The following RNF216 variants were observed in gnomAD, a reference collection of about 807,000 sequenced individuals.
RNF216 encodes the protein ring finger protein 216.
A neutral mutation model predicts 110.8 loss-of-function variants in RNF216; 72 were observed. The ratio of observed to expected loss-of-function variants is 0.65; its 90% CI spans 0.54 to 0.79. The LOEUF (loss-of-function observed/expected upper bound fraction) is 0.79. Among genes scored for constraint, RNF216 ranks in the 30% least tolerant of loss-of-function variants. The pLI, the probability that RNF216 is intolerant of heterozygous loss-of-function variation, is 0.00. For synonymous variants in RNF216, 495 were observed against 407.5 expected, an observed-to-expected ratio of 1.21 and a Z score of -2.59; for missense variants, 1,342 against 1,141.2, an observed-to-expected ratio of 1.18 and a Z score of -2.54.
intron 13 of RNF216, among the ~76,000 whole-genome samples, chr7:5,691,046 G>A (rs780841105): frequency 4.6e-5 from 7 of 152,154 alleles, no homozygotes; most frequent in South Asian, 2.1e-4. Context: ...TCTCTTCCCA[G>A]CTCACACAGC....
At chr7:5,701,520 G>A (rs759169300) in intron 13 of RNF216, among the ~76,000 whole-genome samples, 1 of 152,146 alleles carries the variant, frequency 6.6e-6, no homozygotes, top group Non-Finnish European at 1.5e-5. Context: ...CTTTACCCAC[G>A]CTGTTTCCAT....
chr7:5,639,696 G>A (rs1787614264), intron 15 of RNF216, among the ~76,000 whole-genome samples: 2 of 151,880 alleles, frequency 1.3e-5, no homozygotes, highest in South Asian at 4.1e-4. Context: ...CTGACCTCAG[G>A]TGATCCACCC....
chr7:5,762,293 T>G (rs11984261), intron 1 of RNF216, among the ~76,000 whole-genome samples: 9,515 of 151,922 alleles, frequency 0.063, 987 homozygotes, highest in African/African-American at 0.22. Flanking sequence ...GAGGCTGAGG[T>G]GGATGGATCA....
intron 15 of RNF216, among the ~76,000 whole-genome samples, chr7:5,627,086 T>G (rs1225676113): frequency 6.6e-6 from 1 of 152,134 alleles, no homozygotes; most frequent in Non-Finnish European, 1.5e-5. Context: ...AAGGGACACT[T>G]ATGGCCTTCG....
intron 13 of RNF216, among the ~76,000 whole-genome samples, chr7:5,659,110 A>T (rs1380740363): frequency 6.6e-6 from 1 of 152,158 alleles, no homozygotes; most frequent in Non-Finnish European, 1.5e-5. Context: ...ATGAACTTAG[A>T]TCAAGTGGTG....
In RNF216 at chr7:5,696,981, C is replaced by T. The variant is rs1337648722; in HGVS notation, c.2061+14780G>A. Reference sequence around the variant, plus strand: ...ATCCCACTGTGTCCCTCCATTACGCCAGCAACAGCTCCAGGGACGGGGGTA... The same window carrying T: ...ATCCCACTGTGTCCCTCCATTACGCTAGCAACAGCTCCAGGGACGGGGGTA... On this transcript the variant is annotated intron_variant, in intron 13 of 16. Coordinates refer to ENST00000389902, the MANE Select transcript of RNF216 (RefSeq NM_207111.4). This position sits in a 1 kb window ranked among gnomAD's most constrained non-coding sequence, Gnocchi z 5.4. Among the ~76,000 whole-genome samples, 1 of 152,178 alleles carries T rather than the reference C, an allele frequency of 6.6e-6. No homozygotes were observed. The highest frequency in any genetic ancestry group is 1.5e-5 in the Non-Finnish European group (1 of 68,030).
intron 5 of RNF216, among the ~76,000 whole-genome samples, chr7:5,737,160 C>T (rs1026160007): frequency 3.2e-4 from 49 of 152,320 alleles, no homozygotes; most frequent in Admixed American, 7.2e-4. Flanking sequence ...TAGGAGACTC[C>T]ATTTTGTTCT....
At chr7:5,728,129 T>C (rs187307213) in intron 7 of RNF216, among the ~76,000 whole-genome samples, 3 of 152,234 alleles carry the variant, frequency 2.0e-5, no homozygotes, top group Non-Finnish European at 4.4e-5. Flanking sequence ...CTCACCCCAA[T>C]AAATGATACT....
Position 5,716,712 on chromosome 7 carries a change from C to T in RNF216, c.1695+4G>A. 2 of 1,581,172 alleles carry T rather than the reference C, an allele frequency of 1.3e-6. No homozygotes were observed. The highest frequency in any genetic ancestry group is 2.3e-5 in the South Asian group (2 of 85,460). On this transcript the variant is annotated splice_donor_region_variant and intron_variant, in intron 10 of 16. Coordinates refer to ENST00000389902, the MANE Select transcript of RNF216 (RefSeq NM_207111.4). ...AGAATAAACAAGGTGAGATTTCAAA[C>T]TACCTTTTGATACTGTTCTTCATTC...
intron 1 of RNF216, among the ~76,000 whole-genome samples, chr7:5,762,961 T>G (rs1465438180): frequency 1.3e-5 from 2 of 152,172 alleles, no homozygotes; most frequent in Non-Finnish European, 2.9e-5. Context: ...AGAAGTATCA[T>G]GGTGTTAAAG....
chr7:5,670,841 C>T (rs1789861310), intron 13 of RNF216, among the ~76,000 whole-genome samples: 1 of 152,142 alleles, frequency 6.6e-6, no homozygotes, highest in South Asian at 2.1e-4. Context: ...GTAGTGGTGG[C>T]CATATAAGGA....
chr7:5,754,027 A>C (rs953431619), intron 2 of RNF216, among the ~76,000 whole-genome samples: 1 of 151,892 alleles, frequency 6.6e-6, no homozygotes, highest in African/African-American at 2.4e-5. Context: ...AGTGACCTAA[A>C]AGAAGAGAAG....
At chr7:5,769,391 C>T (rs1796374818) in intron 1 of RNF216, among the ~76,000 whole-genome samples, 1 of 151,308 alleles carries the variant, frequency 6.6e-6, no homozygotes, top group Non-Finnish European at 1.5e-5. Context: ...GTTGGGATTA[C>T]AGGCGTGAGC....
At chr7:5,704,938 T>C (rs1403975787) in intron 13 of RNF216, among the ~76,000 whole-genome samples, 1 of 152,118 alleles carries the variant, frequency 6.6e-6, no homozygotes, top group Non-Finnish European at 1.5e-5. Context: ...TAATCCATCA[T>C]GTAATCATAA....
intron 1 of RNF216, among the ~76,000 whole-genome samples, chr7:5,774,164 A>G (rs562241035): frequency 7.9e-6 from 1 of 127,310 alleles, no homozygotes; most frequent in Non-Finnish European, 1.6e-5. Context: ...GCTTCGGATA[A>G]TACTGCCTAT....
At chr7:5,711,719 C>A (rs1438718110) in intron 13 of RNF216, 42 bp downstream of exon 13, 2 of 1,541,828 alleles carry the variant, frequency 1.3e-6, no homozygotes, top group Non-Finnish European at 1.8e-6. Context: ...GCCCATAATA[C>A]CATAATTCAA....
At chr7:5,716,381 C>A (rs1346670518) in intron 10 of RNF216, among the ~76,000 whole-genome samples, 2 of 152,026 alleles carry the variant, frequency 1.3e-5, no homozygotes, top group East Asian at 1.9e-4. Context: ...ATTTTTTTTA[C>A]ATACAGAAAC....
At chr7:5,765,787 CAA>C (rs56903968) in intron 1 of RNF216, among the ~76,000 whole-genome samples, 11 of 123,248 alleles carry the variant, frequency 8.9e-5, no homozygotes, top group Admixed American at 8.7e-5. Flanking sequence ...TACTAAAATA[CAA>C]AAAAAAAAAA....
intron 15 of RNF216, among the ~76,000 whole-genome samples, chr7:5,635,868 G>A (rs562800253): frequency 1.6e-4 from 24 of 152,206 alleles, no homozygotes; most frequent in Non-Finnish European, 2.8e-4. Flanking sequence ...ATGGCTAGGC[G>A]ATAATTGTAC....
Sources: gnomAD v4.1 joint callset for allele counts (sites outside exome capture counted in the v4.1 genomes callset) on GRCh38, gnomAD v4.1.1 for gene constraint, Gnocchi (gnomAD v3.1) non-coding constraint, MANE v1.5 for transcripts, NCBI Gene and HGNC (gene_info 2026-07-23, HGNC 2026-07-21) for gene names.